Variants in CFHR4 observed in about 807,000 individuals in gnomAD.
CFHR4 encodes the protein complement factor H related 4, also known as complement factor H-related protein 4.
A neutral mutation model predicts 69.3 loss-of-function variants in CFHR4; 64 were observed. That is an observed-to-expected ratio of 0.92 (90% CI 0.76 to 1.14). CFHR4 has a LOEUF of 1.14. Among genes scored for constraint, CFHR4 ranks in the 50% most tolerant of loss-of-function variants. The pLI is 0.00. For missense variants in CFHR4, 636 were observed against 684.9 expected, an observed-to-expected ratio of 0.93 and a Z score of 0.80; for synonymous variants, 244 against 237.0, an observed-to-expected ratio of 1.03 and a Z score of -0.27.
chr1:196,901,868 A>C (rs1558241241), intron 1 of CFHR4, among the ~76,000 whole-genome samples: 1 of 151,394 alleles, frequency 6.6e-6, no homozygotes, highest in Non-Finnish European at 1.5e-5. Flanking sequence ...TTCCTAGTTC[A>C]TTTTCCTGGT....
Position 196,905,308 on chromosome 1 carries a change from T to C in CFHR4, c.439+18T>C. 6.2e-7 allele frequency: 1 copy of C among 1,609,600 alleles called. No homozygotes were observed. The highest frequency in any genetic ancestry group is 8.5e-7 in the Non-Finnish European group (1 of 1,178,000). On this transcript the variant is annotated intron_variant, in intron 3 of 9. Transcript: ENST00000608469. ...TTGCATTAGTAAGTTATTTACATATTCCCACTCAGTTTCTGTCAACTTCTT... is the reference window on the plus strand; with the variant it reads ...TTGCATTAGTAAGTTATTTACATATCCCCACTCAGTTTCTGTCAACTTCTT...
intron 2 of CFHR4, 107 bp downstream of exon 2, chr1:196,902,722 AGAGTTGTT>A: frequency 1.2e-6 from 1 of 836,312 alleles, no homozygotes; most frequent in Non-Finnish European, 1.8e-6. Flanking sequence ...GACCAAAGGA[AGAGTTGTT>A]CAAGCAAAAA....
At chr1:196,896,711 C>T (rs1404816201) in intron 1 of CFHR4, among the ~76,000 whole-genome samples, 1 of 151,366 alleles carries the variant, frequency 6.6e-6, no homozygotes, top group Admixed American at 6.6e-5. Context: ...CAAGTCATCC[C>T]TAGAAGTTGT....
At chr1:196,908,359 T>C (rs748240316) in intron 5 of CFHR4, among the ~76,000 whole-genome samples, 8 of 151,580 alleles carry the variant, frequency 5.3e-5, no homozygotes, top group Non-Finnish European at 1.0e-4. Context: ...AAATGCTTCC[T>C]GATAGAGCAC....
intron 7 of CFHR4, 69 bp from the exon 8 acceptor site, chr1:196,914,425 TG>T: frequency 6.7e-7 from 1 of 1,495,198 alleles, no homozygotes; most frequent in Non-Finnish European, 9.0e-7. Flanking sequence ...ATCCCTACAA[TG>T]GGACTTTCTT....
At chr1:196,889,267 C>T (rs542937137) in intron 1 of CFHR4, among the ~76,000 whole-genome samples, 1 of 151,208 alleles carries the variant, frequency 6.6e-6, no homozygotes, top group Non-Finnish European at 1.5e-5. Context: ...GTTTTAATTG[C>T]TGTGCAAAAT....
Position 196,902,414 on chromosome 1 carries a change from CAAG to C in CFHR4, c.59_61del. The C allele has an allele frequency of 6.3e-7, 1 of 1,585,380 alleles. No individual in the cohort carries two copies. The highest frequency in any genetic ancestry group is 1.7e-4 in the Middle Eastern group (1 of 5,922). On this transcript the variant is annotated splice_acceptor_variant and splice_polypyrimidine_tract_variant and intron_variant, in intron 1 of 9. Coordinates refer to ENST00000608469, the MANE Select transcript of CFHR4 (RefSeq NM_001201550.3). LOFTEE classifies it high-confidence loss of function. ...TTATACTGTTTTTTGTTTTTTATTA[CAAG>C]AAGTGAAACCTTGTGATTTTCCAGA...
At chr1:196,893,487 C>T (rs982280785) in intron 1 of CFHR4, among the ~76,000 whole-genome samples, 8 of 151,632 alleles carry the variant, frequency 5.3e-5, no homozygotes, top group African/African-American at 1.9e-4. Context: ...ATTACACATA[C>T]AAACTTTGTT....
chr1:196,893,447 C>T (rs888018875), intron 1 of CFHR4, among the ~76,000 whole-genome samples: 4 of 151,516 alleles, frequency 2.6e-5, no homozygotes, highest in African/African-American at 9.7e-5. Context: ...CTATTCTGAG[C>T]CTTCCACATT....
rs941691521 is a variant in CFHR4 at position 196,902,313 on chromosome 1, T to G, written c.59-105T>G. On this transcript the variant is annotated intron_variant, in intron 1 of 9. Coordinates refer to ENST00000608469, the MANE Select transcript of CFHR4 (RefSeq NM_001201550.3). ...CTTTTCTTGCCCTAAAACCCCTAAT[T>G]CATTACACTAAGAAGAGAATATAAT... 1.8e-5 allele frequency: 15 copies of G among 813,686 alleles called. No individual in the cohort carries two copies. In the South Asian group the frequency reaches 2.8e-4, roughly 15 times the overall value. The allele number at this position is 813,686 out of a possible 1,614,324, so 50.4% of individuals were successfully genotyped here. A position where few individuals can be genotyped will look rare whatever the true frequency, so the allele number is the denominator to read the frequency against.
At chr1:196,911,447 GC>G (rs1344933889) in intron 6 of CFHR4, among the ~76,000 whole-genome samples, 1 of 151,332 alleles carries the variant, frequency 6.6e-6, no homozygotes, top group African/African-American at 2.4e-5. Flanking sequence ...TATAATGCTT[GC>G]CCAAAGGTCA....
At position 196,918,617 on chromosome 1, in the gene CFHR4, A is replaced by C. The variant is rs1658794427; in HGVS notation, c.*211A>C. 1 of 499,060 alleles carries C rather than the reference A, an allele frequency of 2.0e-6. No individual in the cohort carries two copies. 30.9% of individuals were successfully genotyped at this position (499,060 alleles called of 1,614,324 possible). A position where few individuals can be genotyped will look rare whatever the true frequency, so the allele number is the denominator to read the frequency against. The stretch of plus-strand genomic sequence containing the variant: ...TTATGCTTGTACTAAAATAATAAAA[A>C]CTACCCTTATATTGGACTTCCTATC... On this transcript the variant is annotated 3_prime_UTR_variant, in exon 10 of 10. Transcript: ENST00000608469.
chr1:196,905,455 T>C (rs966702006), intron 3 of CFHR4, among the ~76,000 whole-genome samples, 165 bp downstream of exon 3: 1 of 151,570 alleles, frequency 6.6e-6, no homozygotes, highest in Admixed American at 6.6e-5. Context: ...TTTTTGCCTT[T>C]TTAGAGTAAT....
rs150501104 is a variant in CFHR4 at position 196,916,207 on chromosome 1, AT to A, written c.1540+1070del. 9.9e-5 allele frequency among the ~76,000 whole-genome samples: 15 copies of A among 151,598 alleles called. No individual in the cohort carries two copies. The East Asian group carries it at 2.9e-3, about 29-fold the overall frequency. On this transcript the variant is annotated intron_variant, in intron 9 of 9. Transcript: ENST00000608469. ...ACTTGAAGCAACACAATTCAAAAAA[AT>A]ATAAGCCACAATAATTATGGCAACA...
intron 8 of CFHR4, 95 bp from the exon 9 acceptor site, chr1:196,914,861 A>G (rs1658503262): frequency 1.3e-6 from 2 of 1,516,364 alleles, no homozygotes; most frequent in African/African-American, 1.4e-5. Flanking sequence ...TAAGAAATCA[A>G]ATAAGATACA....
Position 196,914,549 on chromosome 1 carries a change from G to A in CFHR4, c.1235G>A (p.Arg412Gln), listed in dbSNP as rs200135698. ...ENSRAKSNGM[R>Q]FKLHDTLDYE... ...TCCAGAGCCAAGAGTAATGGCATGC[G>A]GTTTAAGCTCCATGACACATTGGAC... Residue 412 changes from arginine to glutamine, a missense_variant, in exon 8 of 10, where the codon CGG (arginine) becomes CAG (glutamine). Coordinates refer to ENST00000608469, the MANE Select transcript of CFHR4 (RefSeq NM_001201550.3). 2.0e-4 allele frequency: 318 copies of A among 1,609,892 alleles called. 5 individuals carry two copies. Among genetic ancestry groups the A allele is most frequent in the Middle Eastern group, 1.6e-4 (1 of 6,076 alleles).
In CFHR4 at chr1:196,894,135, A is replaced by T. The variant is rs960075366; in HGVS notation, c.58+5927A>T. ...GCTCTATCCCCCCTTTTCCGTTGTT[A>T]ATGTCACAGAATTTCATCTTTACAC... On this transcript the variant is annotated intron_variant, in intron 1 of 9. Transcript: ENST00000608469. Among the ~76,000 whole-genome samples, 3 of 151,518 alleles carry T rather than the reference A, an allele frequency of 2.0e-5. 1 individual carries two copies. The highest frequency in any genetic ancestry group is 4.4e-5 in the Non-Finnish European group (3 of 67,962).
At chr1:196,896,258 G>A (rs958828669) in intron 1 of CFHR4, among the ~76,000 whole-genome samples, 15 of 150,584 alleles carry the variant, frequency 1.0e-4, no homozygotes, top group African/African-American at 3.0e-4. Context: ...AGTAGGCTAT[G>A]TCTGTGTCAA....
chr1:196,912,972 CTT>C lies in CFHR4; in HGVS notation c.1180+52_1180+53del, dbSNP rs1173637983. 1.9e-6 allele frequency: 3 copies of C among 1,608,024 alleles called. No individual in the cohort carries two copies. In the African/African-American group the frequency reaches 4.1e-5, roughly 22 times the overall value. ...CAGTTTCTGTCAACTTCGTTCCTCTCTTTGAGATGATAGTGTTTTACTTAAAA... is the reference window on the plus strand; with the variant it reads ...CAGTTTCTGTCAACTTCGTTCCTCTCTGAGATGATAGTGTTTTACTTAAAA... On this transcript the variant is annotated intron_variant, in intron 7 of 9. Coordinates refer to ENST00000608469, the MANE Select transcript of CFHR4 (RefSeq NM_001201550.3).
Sources: gnomAD v4.1 joint callset for allele counts (sites outside exome capture counted in the v4.1 genomes callset) on GRCh38, gnomAD v4.1.1 for gene constraint, MANE v1.5 for transcripts, NCBI Gene and HGNC (gene_info 2026-07-23, HGNC 2026-07-21) for gene names.